UIMC1: variants seen among roughly 807,000 people sequenced by gnomAD.
UIMC1 encodes BRCA1-A complex subunit RAP80.
In UIMC1, 42 loss-of-function variants were observed where a neutral mutation model predicts 84.9. The observed-to-expected ratio is 0.49, with a 90% CI of 0.39 to 0.64. The LOEUF is 0.64. Ranked by LOEUF, UIMC1 falls within the 30% of genes least tolerant of loss-of-function variation. The pLI is 0.00. For missense variants in UIMC1, 825 were observed against 847.6 expected (o/e 0.97, Z 0.33); for synonymous variants, 281 against 293.0 (o/e 0.96, Z 0.42).
intron 10 of UIMC1, among the ~76,000 whole-genome samples, chr5:176,927,223 AAAG>A (rs201262055): frequency 0.011 from 1,599 of 142,040 alleles, 35 homozygotes; most frequent in African/African-American, 0.035. Flanking sequence ...AAAAAAAAAA[AAAG>A]CACCAGTAGT....
At chr5:177,005,916 A>G (rs1775191325) in intron 1 of UIMC1, among the ~76,000 whole-genome samples, 1 of 152,318 alleles carries the variant, frequency 6.6e-6, no homozygotes, top group Non-Finnish European at 1.5e-5. Context: ...GCGCTCGAGA[A>G]GCCTGCGGCG....
upstream of UIMC1, among the ~76,000 whole-genome samples, chr5:177,011,276 A>G (rs769767257): frequency 3.3e-5 from 5 of 151,874 alleles, no homozygotes; most frequent in African/African-American, 1.2e-4. Context: ...ACAGTGATAC[A>G]TACCAGTAGT....
At chr5:176,969,501 A>G in intron 5 of UIMC1, 100 bp downstream of exon 5, 1 of 1,339,320 alleles carries the variant, frequency 7.5e-7, no homozygotes, top group Non-Finnish European at 1.0e-6. Context: ...TATTATCACC[A>G]AAAGGATCTG....
chr5:176,987,308 A>G (rs1173311007), intron 1 of UIMC1, among the ~76,000 whole-genome samples: 1 of 152,166 alleles, frequency 6.6e-6, no homozygotes, highest in Admixed American at 6.5e-5. Flanking sequence ...AACCAATTGC[A>G]TTCCTATATG....
intron 8 of UIMC1, among the ~76,000 whole-genome samples, chr5:176,952,703 G>A (rs187126739): frequency 6.6e-6 from 1 of 152,056 alleles, no homozygotes; most frequent in African/African-American, 2.4e-5. Context: ...AAGACGAGGC[G>A]GGAGGATCAC....
intron 10 of UIMC1, among the ~76,000 whole-genome samples, chr5:176,925,785 G>A (rs1762320350): frequency 6.6e-6 from 1 of 152,150 alleles, no homozygotes; most frequent in South Asian, 2.1e-4. Flanking sequence ...GAAGAGATAT[G>A]AGGGAATCTT....
intron 13 of UIMC1, 32 bp from the exon 14 acceptor site, chr5:176,906,079 G>T: frequency 6.2e-7 from 1 of 1,606,538 alleles, no homozygotes. Flanking sequence ...AATAATGTTG[G>T]TAGTAGTGTT....
Position 176,924,769 on chromosome 5 carries a change from G to A in UIMC1, c.1598-13380C>T, listed in dbSNP as rs151165286. ...AGAAAATGAATAGGCAGCCGGGCGC[G>A]GTGGCTCATATCTGTAATCCCAGCA... On this transcript the variant is annotated intron_variant, in intron 10 of 14. Coordinates refer to ENST00000511320, the MANE Select transcript of UIMC1 (RefSeq NM_001199298.2). Among the ~76,000 whole-genome samples the A allele has an allele frequency of 9.1e-3, 1,391 of 152,138 alleles. 8 individuals are homozygous for A. Among genetic ancestry groups the A allele is most frequent in the South Asian group, 0.025 (121 of 4,814 alleles).
At chr5:176,978,900 A>C (rs1455665294) in intron 2 of UIMC1, among the ~76,000 whole-genome samples, 2 of 152,214 alleles carry the variant, frequency 1.3e-5, no homozygotes, top group African/African-American at 4.8e-5. Flanking sequence ...CATCAGAAGT[A>C]AAAGATGTGC....
chr5:176,969,632 T>C lies in UIMC1; in HGVS notation c.432A>G (p.Gln144=), dbSNP rs1262296849. The part of the protein sequence containing the change: ...LATGPSSQSH[Q]EKTTDSGLTE... ...TGAGCCCAGAGTCTGTGGTTTTCTC[T>C]TGATGGGACTGGGAAGACGGTCCAG... Residue 144 remains glutamine (Q), a synonymous_variant, in exon 5 of 15, where the codon CAA becomes CAG. Coordinates refer to ENST00000511320, the MANE Select transcript of UIMC1 (RefSeq NM_001199298.2). 2 of 1,614,140 alleles carry C rather than the reference T, an allele frequency of 1.2e-6. No homozygotes were observed. The highest frequency in any genetic ancestry group is 2.2e-5 in the East Asian group (1 of 44,882).
chr5:177,000,209 C>T (rs1473566525), intron 1 of UIMC1, among the ~76,000 whole-genome samples: 1 of 152,214 alleles, frequency 6.6e-6, no homozygotes, highest in Non-Finnish European at 1.5e-5. Flanking sequence ...CCGCCTCGGC[C>T]TCCCAAAGTG....
At position 176,969,281 on chromosome 5, in the gene UIMC1, C is replaced by G; in HGVS notation, c.474G>C (p.Gln158His). ...TDSGLTEGIW[Q>H]LVPPSLFKGS... ...CTTTAAACAGTGATGGAGGTACCAGCTGCCATATGCCTGTAGGTATTTGAG... is the reference window on the plus strand; with the variant it reads ...CTTTAAACAGTGATGGAGGTACCAGGTGCCATATGCCTGTAGGTATTTGAG... Residue 158 changes from glutamine to histidine, a missense_variant, in exon 6 of 15, where the codon CAG becomes CAC. Gln to His is a conservative substitution (Grantham distance 24). Coordinates refer to ENST00000511320, the MANE Select transcript of UIMC1 (RefSeq NM_001199298.2). 6.2e-7 allele frequency: 1 copy of G among 1,612,236 alleles called. No individual in the cohort carries two copies.
At chr5:176,941,889 G>A (rs1764483101) in intron 10 of UIMC1, among the ~76,000 whole-genome samples, 2 of 152,012 alleles carry the variant, frequency 1.3e-5, no homozygotes, top group South Asian at 4.2e-4. Context: ...TGTTGCCCAG[G>A]CTGGAGTGCA....
chr5:176,938,102 A>C (rs1763925103), intron 10 of UIMC1, among the ~76,000 whole-genome samples: 1 of 149,724 alleles, frequency 6.7e-6, no homozygotes, highest in African/African-American at 2.5e-5. Context: ...AGGCAGAAGG[A>C]TCACTTGAGC....
intron 1 of UIMC1, among the ~76,000 whole-genome samples, chr5:177,016,520 C>T (rs1775673383): frequency 6.6e-6 from 1 of 150,570 alleles, no homozygotes; most frequent in Admixed American, 6.6e-5. Context: ...TGAAACGCCC[C>T]TCTACTAAAA....
At chr5:176,990,178 TACAAAAAAAAAAA>T (rs1359407958) in intron 1 of UIMC1, among the ~76,000 whole-genome samples, 2 of 144,220 alleles carry the variant, frequency 1.4e-5, no homozygotes, top group African/African-American at 2.6e-5. Flanking sequence ...GAGACTCTGT[TACAAAAAAAAAAA>T]ACAAAAACAA....
At chr5:176,997,962 G>A (rs1230261148) in intron 1 of UIMC1, among the ~76,000 whole-genome samples, 1 of 151,984 alleles carries the variant, frequency 6.6e-6, no homozygotes, top group Non-Finnish European at 1.5e-5. Flanking sequence ...CTTTCTCAGA[G>A]AAATCTTTCT....
chr5:176,997,219 T>G (rs1245783954), intron 1 of UIMC1, among the ~76,000 whole-genome samples: 3 of 152,112 alleles, frequency 2.0e-5, no homozygotes, highest in Non-Finnish European at 4.4e-5. Flanking sequence ...CTTTAAGCTC[T>G]CCATTTCTTT....
At position 176,970,719 on chromosome 5, in the gene UIMC1, C is replaced by T. The variant is rs750998744; in HGVS notation, c.357+23G>A. Reference sequence around the variant, plus strand: ...AATATAGCTGATCAATCTCCACAAACTTTTGCAACATGGCATATTTACATT... The same window carrying T: ...AATATAGCTGATCAATCTCCACAAATTTTTGCAACATGGCATATTTACATT... On this transcript the variant is annotated intron_variant, in intron 4 of 14. Transcript: ENST00000511320. 6 of 1,613,906 alleles carry T rather than the reference C, an allele frequency of 3.7e-6. No homozygotes were observed. In the East Asian group the frequency reaches 1.3e-4, roughly 36 times the overall value.
Sources: allele counts gnomAD v4.1 joint callset (sites outside exome capture counted in the v4.1 genomes callset), GRCh38; gene constraint gnomAD v4.1.1; transcripts MANE v1.5; gene names NCBI Gene and HGNC (gene_info 2026-07-23, HGNC 2026-07-21).